AKAIN1: variants seen among roughly 807,000 people sequenced by gnomAD.
AKAIN1 encodes the protein A-kinase anchor protein inhibitor 1.
In AKAIN1, 3 loss-of-function variants were observed where a neutral mutation model predicts 3.7. The ratio of observed to expected loss-of-function variants is 0.82; its 90% CI spans 0.37 to 2.12. The LOEUF is 2.12. Among genes scored for constraint, AKAIN1 ranks in the 30% most tolerant of loss-of-function variants. The probability of loss-of-function intolerance (pLI) is 0.06; values close to 1 mark genes in which losing one functional copy is unlikely to be tolerated. For synonymous variants in AKAIN1, 31 were observed against 30.8 expected (o/e 1.01, Z -0.02); for missense variants, 82 against 82.7 (o/e 0.99, Z 0.03).
chr18:5,164,979 C>T (rs2071159769), intron 1 of AKAIN1, among the ~76,000 whole-genome samples: 1 of 151,956 alleles, frequency 6.6e-6, no homozygotes, highest in Admixed American at 6.6e-5. Context: ...TAACATTTTC[C>T]TCTATGATTT....
intron 1 of AKAIN1, among the ~76,000 whole-genome samples, chr18:5,179,707 T>C (rs1201829651): frequency 6.6e-6 from 1 of 152,108 alleles, no homozygotes. Context: ...TAAAAGAAGA[T>C]AACTTCAAGT....
intron 1 of AKAIN1, among the ~76,000 whole-genome samples, chr18:5,176,445 C>A (rs75211654): frequency 4.4e-5 from 6 of 135,620 alleles, no homozygotes; most frequent in Admixed American, 1.5e-4. Context: ...GTCTCAAAAA[C>A]AAACAAACAA....
At chr18:5,171,421 A>T (rs1184855562) in intron 1 of AKAIN1, among the ~76,000 whole-genome samples, 1 of 152,142 alleles carries the variant, frequency 6.6e-6, no homozygotes, top group Non-Finnish European at 1.5e-5. Flanking sequence ...AATGGAAGAA[A>T]ATGTTTGCAA....
chr18:5,192,384 A>AC (rs1567880930), intron 1 of AKAIN1, among the ~76,000 whole-genome samples: 56 of 97,830 alleles, frequency 5.7e-4, no homozygotes, highest in Admixed American at 1.6e-3. Flanking sequence ...CACAGAGCTA[A>AC]TTTTCTTTCT....
At chr18:5,147,672 C>A (rs2071056775) in intron 1 of AKAIN1, among the ~76,000 whole-genome samples, 1 of 152,172 alleles carries the variant, frequency 6.6e-6, no homozygotes, top group Non-Finnish European at 1.5e-5. Flanking sequence ...TCCATTAAGA[C>A]TTATGATCTT....
chr18:5,168,413 T>C (rs1307051663), intron 1 of AKAIN1, among the ~76,000 whole-genome samples: 1 of 152,112 alleles, frequency 6.6e-6, no homozygotes, highest in African/African-American at 2.4e-5. Context: ...TCCACTGTAT[T>C]GTAGAAGAGG....
intron 1 of AKAIN1, among the ~76,000 whole-genome samples, chr18:5,168,668 T>C (rs1391452161): frequency 6.6e-6 from 1 of 152,010 alleles, no homozygotes; most frequent in Non-Finnish European, 1.5e-5. Flanking sequence ...GACTCACAAA[T>C]GTTAACTTTG....
At chr18:5,175,916 G>A (rs1175000298) in intron 1 of AKAIN1, among the ~76,000 whole-genome samples, 1 of 152,042 alleles carries the variant, frequency 6.6e-6, no homozygotes, top group Non-Finnish European at 1.5e-5. Context: ...AGATTTTAGT[G>A]CATTTAATGA....
upstream of AKAIN1, chr18:5,197,403 A>C (rs1303166493): frequency 1.8e-5 from 23 of 1,264,858 alleles, no homozygotes; most frequent in Non-Finnish European, 9.9e-7. The surrounding 1 kb of genome is among the most constrained non-coding windows in gnomAD (Gnocchi z 6.9). Flanking sequence ...AGAGCAAGAG[A>C]GAGAAAGGTA....
chr18:5,196,429 C>T (rs532067842), intron 1 of AKAIN1, among the ~76,000 whole-genome samples: 1 of 152,382 alleles, frequency 6.6e-6, no homozygotes, highest in African/African-American at 2.4e-5. Flanking sequence ...AGGTCCTTCA[C>T]CGCCTGCTCC....
At chr18:5,180,470 A>G (rs1459919078) in intron 1 of AKAIN1, among the ~76,000 whole-genome samples, 1 of 152,094 alleles carries the variant, frequency 6.6e-6, no homozygotes, top group East Asian at 1.9e-4. Flanking sequence ...CTGATGGCCA[A>G]CAGCTCCACT....
chr18:5,155,826 T>C (rs570263370), intron 1 of AKAIN1, among the ~76,000 whole-genome samples: 1 of 152,324 alleles, frequency 6.6e-6, no homozygotes, highest in Admixed American at 6.5e-5. Flanking sequence ...GCATACTTTC[T>C]TTCCCACTGC....
intron 1 of AKAIN1, among the ~76,000 whole-genome samples, chr18:5,156,263 A>C (rs1365917370): frequency 1.3e-5 from 2 of 152,108 alleles, no homozygotes; most frequent in Non-Finnish European, 1.5e-5. Flanking sequence ...AACAAAAAAA[A>C]CACCCCCACC....
chr18:5,196,562 T>G (rs1486579633), intron 1 of AKAIN1, among the ~76,000 whole-genome samples: 1 of 152,226 alleles, frequency 6.6e-6, no homozygotes, highest in Non-Finnish European at 1.5e-5. Context: ...CTACTCCCCT[T>G]GGCTTCGCCC....
At chr18:5,187,359 T>C (rs2071293366) in intron 1 of AKAIN1, among the ~76,000 whole-genome samples, 1 of 152,160 alleles carries the variant, frequency 6.6e-6, no homozygotes, top group South Asian at 2.1e-4. Flanking sequence ...CTTTGTCCAT[T>C]TTCTGCTGGT....
intron 1 of AKAIN1, among the ~76,000 whole-genome samples, chr18:5,190,557 T>C (rs887951871): frequency 6.6e-6 from 1 of 152,188 alleles, no homozygotes; most frequent in Non-Finnish European, 1.5e-5. Flanking sequence ...ATCGGTCTTA[T>C]ATAAGCAGAA....
At chr18:5,162,332 G>T (rs561811028) in intron 1 of AKAIN1, among the ~76,000 whole-genome samples, 1 of 152,156 alleles carries the variant, frequency 6.6e-6, no homozygotes, top group African/African-American at 2.4e-5. Flanking sequence ...TGTCCTGGAG[G>T]GTTGGATCTG....
At chr18:5,197,508 A>AAAAT, upstream of AKAIN1, 1 of 1,224,648 alleles carries the variant, frequency 8.2e-7, no homozygotes, top group Non-Finnish European at 1.0e-6. The surrounding 1 kb of genome is among the most constrained non-coding windows in gnomAD (Gnocchi z 6.9). Flanking sequence ...ATTTGTCAAA[A>AAAAT]AAAAAAAACT....
intron 1 of AKAIN1, among the ~76,000 whole-genome samples, chr18:5,191,360 G>C (rs1166240319): frequency 6.6e-6 from 1 of 152,126 alleles, no homozygotes; most frequent in Non-Finnish European, 1.5e-5. Context: ...AACTAGCAAT[G>C]AATGTGCGGA....
Sources: gnomAD v4.1 joint callset for allele counts (sites outside exome capture counted in the v4.1 genomes callset) on GRCh38, gnomAD v4.1.1 for gene constraint, Gnocchi (gnomAD v3.1) non-coding constraint, MANE v1.5 for transcripts, NCBI Gene and HGNC (gene_info 2026-07-23, HGNC 2026-07-21) for gene names.